SATB1: variants seen among roughly 807,000 people sequenced by gnomAD.
The protein encoded by SATB1 is DNA-binding protein SATB1.
Under a neutral mutation model 86.9 loss-of-function variants are expected in SATB1, and 11 were observed. That is an observed-to-expected ratio of 0.13 (90% CI 0.08 to 0.21). The LOEUF is 0.21. Ranked by LOEUF, SATB1 falls within the 10% of genes least tolerant of loss-of-function variation. The probability of loss-of-function intolerance (pLI) is 1.00; values close to 1 mark genes in which losing one functional copy is unlikely to be tolerated. For synonymous variants in SATB1, 357 were observed against 357.2 expected (o/e 1.00, Z 0.01); for missense variants, 551 against 937.6 (o/e 0.59, Z 5.39).
At chr3:18,397,609 T>C (rs1364340963) in intron 5 of SATB1, among the ~76,000 whole-genome samples, 1 of 152,160 alleles carries the variant, frequency 6.6e-6, no homozygotes, top group Non-Finnish European at 1.5e-5. Flanking sequence ...TAAATCCAAA[T>C]ACATGAAGAT....
chr3:18,414,484 A>G (rs1286151419), intron 5 of SATB1, among the ~76,000 whole-genome samples: 1 of 152,124 alleles, frequency 6.6e-6, no homozygotes, highest in Non-Finnish European at 1.5e-5. Context: ...CCCTGATGGT[A>G]TAACAGGCAT....
intron 9 of SATB1, among the ~76,000 whole-genome samples, chr3:18,355,346 C>T (rs1694577572): frequency 6.6e-6 from 1 of 152,026 alleles, no homozygotes; most frequent in African/African-American, 2.4e-5. Context: ...TTGACTACCT[C>T]AAATTCTATT....
chr3:18,434,891 A>G (rs986327519), intron 2 of SATB1: 5 of 152,134 alleles, frequency 3.3e-5, no homozygotes, highest in Non-Finnish European at 5.9e-5. Context: ...CCGCTAAGGC[A>G]AAGAGAAACT....
chr3:18,383,770 C>A (rs1696179617), intron 8 of SATB1, among the ~76,000 whole-genome samples: 1 of 152,084 alleles, frequency 6.6e-6, no homozygotes, highest in African/African-American at 2.4e-5. Context: ...TTCAAGTGCT[C>A]TATAACGTGT....
Position 18,364,324 on chromosome 3 carries a change from A to G in SATB1, c.1576-12129T>C, listed in dbSNP as rs1455892863. Reference sequence around the variant, plus strand: ...GGTATCAAAAATTTGTGATACAGTAATATATATACTTCTTTATTAACACAC... The same window carrying G: ...GGTATCAAAAATTTGTGATACAGTAGTATATATACTTCTTTATTAACACAC... On this transcript the variant is annotated intron_variant, in intron 9 of 10. Transcript: ENST00000338745. Among the ~76,000 whole-genome samples the G allele has an allele frequency of 3.3e-5, 5 of 152,300 alleles. No individual in the cohort carries two copies. The South Asian group carries it at 1.0e-3, about 32-fold the overall frequency.
chr3:18,389,244 G>A (rs1696503246), intron 7 of SATB1, among the ~76,000 whole-genome samples: 1 of 138,318 alleles, frequency 7.2e-6, no homozygotes, highest in Admixed American at 7.5e-5. Flanking sequence ...AGTCTCAGGT[G>A]TTTCAGAAAC....
chr3:18,356,576 A>G (rs1379669651), intron 9 of SATB1, among the ~76,000 whole-genome samples: 1 of 151,886 alleles, frequency 6.6e-6, no homozygotes, highest in African/African-American at 2.4e-5. Flanking sequence ...TAGCAGTTCT[A>G]AACTCAATAT....
upstream of SATB1, among the ~76,000 whole-genome samples, chr3:18,440,519 C>A (rs1699214102): frequency 6.6e-6 from 1 of 152,110 alleles, no homozygotes; most frequent in Non-Finnish European, 1.5e-5. Context: ...GTATTTACTT[C>A]AGGAAGGTAA....
At chr3:18,434,040 G>C (rs1253970035) in intron 2 of SATB1, among the ~76,000 whole-genome samples, 1 of 152,086 alleles carries the variant, frequency 6.6e-6, no homozygotes, top group East Asian at 1.9e-4. Flanking sequence ...GAAAAATTTT[G>C]ATGGAAACCA....
At chr3:18,354,189 GC>G (rs201481057) in intron 9 of SATB1, among the ~76,000 whole-genome samples, 2,002 of 152,218 alleles carry the variant, frequency 0.013, 47 homozygotes, top group African/African-American at 0.046. Context: ...TGTTTACTTA[GC>G]TTTTACTGGT....
intron 9 of SATB1, among the ~76,000 whole-genome samples, chr3:18,361,654 C>T (rs73175996): frequency 0.015 from 2,275 of 152,206 alleles, 53 homozygotes; most frequent in African/African-American, 0.051. Context: ...CTAGCAATCA[C>T]CTGTAAAACA....
chr3:18,435,862 G>C (rs988577387), intron 2 of SATB1, among the ~76,000 whole-genome samples: 1 of 152,160 alleles, frequency 6.6e-6, no homozygotes, highest in African/African-American at 2.4e-5. Context: ...AAATAGAGGA[G>C]ACTGTGTTTT....
In SATB1 at chr3:18,414,539, A is replaced by C. The variant is rs182725715; in HGVS notation, c.639+572T>G. Among the ~76,000 whole-genome samples the C allele has an allele frequency of 3.8e-3, 578 of 152,234 alleles. 2 individuals are homozygous for C. Among genetic ancestry groups the C allele is most frequent in the Middle Eastern group, 0.017 (5 of 294 alleles). Reference sequence around the variant, plus strand: ...ATTCCACTTAAAAAAACAGAAAAGAAGTAAACCAAAGCCACAAAACTGGTC... The same window carrying C: ...ATTCCACTTAAAAAAACAGAAAAGACGTAAACCAAAGCCACAAAACTGGTC... On this transcript the variant is annotated intron_variant, in intron 5 of 10. Transcript: ENST00000338745.
chr3:18,401,079 T>A (rs1559437300), intron 5 of SATB1, among the ~76,000 whole-genome samples: 1 of 152,160 alleles, frequency 6.6e-6, no homozygotes, highest in Non-Finnish European at 1.5e-5. Context: ...CATCCTTGCT[T>A]CCATGAGGCC....
rs1013586725 is a variant in SATB1, at chr3:18,348,057, A to C, written c.*1113T>G. On this transcript the variant is annotated 3_prime_UTR_variant, in exon 11 of 11. Transcript: ENST00000338745. ...TAAAAACAGCCAGCTGTAACAAAAT[A>C]GCTGTTTTCATAGCCATAAACTCAT... The C allele has an allele frequency of 3.9e-5, 6 of 152,658 alleles. No individual in the cohort carries two copies. Among genetic ancestry groups the C allele is most frequent in the Non-Finnish European group, 8.8e-5 (6 of 68,030 alleles). 9.5% of individuals were successfully genotyped at this position (152,658 alleles called of 1,614,324 possible). A position where few individuals can be genotyped will look rare whatever the true frequency, so the allele number is the denominator to read the frequency against.
At position 18,352,064 on chromosome 3, in the gene SATB1, C is replaced by T; in HGVS notation, c.1707G>A (p.Gln569=). The change falls in exon 10 of 11, where the codon CAG becomes CAA. Residue 569 remains glutamine, a synonymous_variant. Coordinates refer to ENST00000338745, the MANE Select transcript of SATB1 (RefSeq NM_002971.6). The surrounding 1 kb of genome is among the most constrained non-coding windows in gnomAD (Gnocchi z 4.1). ...CATGGTGATGCACCGCGTTGCTCTC[C>T]TGTTCATAAATGGCATCACGTTCTG... ...PQPERDAIYE[Q]ESNAVHHHGD... is the part of the protein sequence containing the mutation. The T allele has an allele frequency of 6.2e-7, 1 of 1,614,214 alleles. No homozygotes were observed. Among genetic ancestry groups the T allele is most frequent in the African/African-American group, 1.3e-5 (1 of 75,062 alleles).
At chr3:18,445,319 C>T (rs951384266) in intron 1 of SATB1, 6 of 984,676 alleles carry the variant, frequency 6.1e-6, no homozygotes, top group African/African-American at 5.3e-5. Flanking sequence ...TGCTGCGCAC[C>T]GCTCCCGGGC....
At position 18,349,995 on chromosome 3, in the gene SATB1, T is replaced by C; in HGVS notation, c.1780-313A>G. On this transcript the variant is annotated intron_variant, in intron 10 of 10. Transcript: ENST00000338745. The surrounding 1 kb of genome is among the most constrained non-coding windows in gnomAD (Gnocchi z 5.5). ...ATAAAATTCACTAGAATGATACGCA[T>C]CAAAGGCGAAGACAGCACATCAAAT... The C allele has an allele frequency of 2.8e-6, 1 of 363,438 alleles. No individual in the cohort carries two copies. Among genetic ancestry groups the C allele is most frequent in the Non-Finnish European group, 4.9e-6 (1 of 202,992 alleles). 22.5% of individuals were successfully genotyped at this position (363,438 alleles called of 1,614,324 possible).
At chr3:18,421,434 A>T (rs1698391782) in intron 1 of SATB1, 1 of 159,224 alleles carries the variant, frequency 6.3e-6, no homozygotes, top group East Asian at 1.8e-4. Flanking sequence ...AATCTAATGT[A>T]TATGTTTTAT....
Sources: gnomAD v4.1 joint callset for allele counts (sites outside exome capture counted in the v4.1 genomes callset) on GRCh38, gnomAD v4.1.1 for gene constraint, Gnocchi (gnomAD v3.1) non-coding constraint, MANE v1.5 for transcripts, NCBI Gene and HGNC (gene_info 2026-07-23, HGNC 2026-07-21) for gene names.